The following ESR1 variants were observed in gnomAD, a reference collection of about 807,000 sequenced individuals.
ESR1 encodes the protein estrogen receptor 1.
ESR1 carries 12 observed loss-of-function variants against 52.7 expected under a neutral mutation model. The observed-to-expected ratio is 0.23, with a 90% CI of 0.15 to 0.37. The LOEUF is 0.37. Among genes scored for constraint, ESR1 ranks in the 10% least tolerant of loss-of-function variants. The pLI, the probability that ESR1 is intolerant of heterozygous loss-of-function variation, is 1.00. For synonymous variants in ESR1, 305 were observed against 316.8 expected, an observed-to-expected ratio of 0.96 and a Z score of 0.39; for missense variants, 584 against 779.7, an observed-to-expected ratio of 0.75 and a Z score of 2.99.
chr6:151,920,281 G>A (rs753084074), intron 3 of ESR1, among the ~76,000 whole-genome samples: 1 of 149,638 alleles, frequency 6.7e-6, no homozygotes, highest in Non-Finnish European at 1.5e-5. Context: ...TTATATGAAA[G>A]TACTTCTTGC....
At chr6:151,972,508 CAATA>C (rs1171179690) in intron 4 of ESR1, among the ~76,000 whole-genome samples, 3 of 152,104 alleles carry the variant, frequency 2.0e-5, no homozygotes, top group Non-Finnish European at 4.4e-5. Context: ...ATTCACAAGT[CAATA>C]AATGTGATAC....
chr6:152,046,511 CT>C (rs2046240873), intron 5 of ESR1, among the ~76,000 whole-genome samples: 1 of 152,152 alleles, frequency 6.6e-6, no homozygotes, highest in Non-Finnish European at 1.5e-5. Flanking sequence ...TACATATTGA[CT>C]GTATTTTCAT....
intron 4 of ESR1, among the ~76,000 whole-genome samples, chr6:151,992,809 G>A (rs1413085332): frequency 1.3e-5 from 2 of 152,158 alleles, no homozygotes; most frequent in Non-Finnish European, 2.9e-5. Context: ...CCCAGTGGTA[G>A]ATAAGAGAAG....
At chr6:151,988,317 C>T (rs2040692491) in intron 4 of ESR1, among the ~76,000 whole-genome samples, 1 of 152,078 alleles carries the variant, frequency 6.6e-6, no homozygotes, top group South Asian at 2.1e-4. Context: ...ACCTAGATCC[C>T]TTGTGTGCAC....
rs1178974822 is a variant in ESR1, at chr6:151,807,849, C to T, written c.-64C>T. The T allele has an allele frequency of 2.1e-6, 3 of 1,457,484 alleles. No individual in the cohort carries two copies. Among genetic ancestry groups the T allele is most frequent in the Admixed American group, 1.7e-5 (1 of 57,268 alleles). The allele number at this position is 1,457,484 out of a possible 1,614,324, so 90.3% of individuals were successfully genotyped here. ...GGCTGTGCTCTTTTTCCAGGTGGCC[C>T]GCCGGTTTCTGAGCCTTCTGCCCTG... is the stretch of plus-strand genomic sequence containing the variant. On this transcript the variant is annotated 5_prime_UTR_variant, in exon 1 of 8. Transcript: ENST00000206249.
chr6:151,942,491 A>G (rs1357628269), intron 3 of ESR1, among the ~76,000 whole-genome samples: 1 of 152,100 alleles, frequency 6.6e-6, no homozygotes, highest in Non-Finnish European at 1.5e-5. Flanking sequence ...TGCTTAAAAT[A>G]TATAGTAAGT....
chr6:151,943,603 C>T (rs1301716324), intron 3 of ESR1, among the ~76,000 whole-genome samples: 1 of 152,030 alleles, frequency 6.6e-6, no homozygotes, highest in Admixed American at 6.6e-5. Context: ...CCCCAGGGGG[C>T]CAGAGGCTGT....
intron 4 of ESR1, among the ~76,000 whole-genome samples, chr6:151,970,824 T>C (rs1327161458): frequency 6.6e-6 from 1 of 152,144 alleles, no homozygotes. Flanking sequence ...CCCCACCTCA[T>C]TCTCTCCCCT....
At chr6:151,919,293 G>T (rs1351406277) in intron 3 of ESR1, among the ~76,000 whole-genome samples, 1 of 152,130 alleles carries the variant, frequency 6.6e-6, no homozygotes, top group African/African-American at 2.4e-5. Flanking sequence ...GTTATATTCA[G>T]TGTTAAGGAA....
intron 6 of ESR1, among the ~76,000 whole-genome samples, chr6:152,074,297 A>G (rs2048563729): frequency 6.6e-6 from 1 of 152,128 alleles, no homozygotes; most frequent in African/African-American, 2.4e-5. Context: ...TACTGTCTCC[A>G]CAGTTTTGCC....
At chr6:152,002,011 G>A (rs1281945009) in intron 4 of ESR1, among the ~76,000 whole-genome samples, 1 of 151,954 alleles carries the variant, frequency 6.6e-6, no homozygotes, top group Non-Finnish European at 1.5e-5. Flanking sequence ...ATTGTCATAT[G>A]CTTTGATGCT....
intron 2 of ESR1, among the ~76,000 whole-genome samples, chr6:151,875,015 T>G (rs1791575950): frequency 6.6e-6 from 1 of 152,200 alleles, no homozygotes; most frequent in Non-Finnish European, 1.5e-5. Flanking sequence ...AGAAAAACAT[T>G]TCTATATAAA....
chr6:152,053,115 C>G lies in ESR1; in HGVS notation c.1236-7876C>G, dbSNP rs574227220. 2.0e-4 allele frequency among the ~76,000 whole-genome samples: 31 copies of G among 152,328 alleles called. No homozygotes were observed. Among genetic ancestry groups the G allele is most frequent in the African/African-American group, 7.0e-4 (29 of 41,572 alleles). On this transcript the variant is annotated intron_variant, in intron 5 of 7. Transcript: ENST00000206249. The surrounding 1 kb of genome is among the most constrained non-coding windows in gnomAD (Gnocchi z 4.1). ...TTCTGCATTCACATTTATTTCTTCT[C>G]ATATCCTCGAGTTAGAAAAAGGTAT...
At chr6:151,987,265 T>TTCTTTTGTTTTGAGACAGAGTCTTGC (rs2040579381) in intron 4 of ESR1, among the ~76,000 whole-genome samples, 1 of 152,070 alleles carries the variant, frequency 6.6e-6, no homozygotes, top group East Asian at 1.9e-4. Flanking sequence ...TTTAAAATTA[T>TTCTTTTGTTTTGAGACAGAGTCTTGC]TCTTTTGTTT....
chr6:151,885,798 T>G (rs1793742535), intron 3 of ESR1, among the ~76,000 whole-genome samples: 1 of 152,168 alleles, frequency 6.6e-6, no homozygotes, highest in Admixed American at 6.5e-5. Flanking sequence ...CAGGTTGCAG[T>G]GAGCCGAGAT....
chr6:151,739,631 AG>A (rs1782931087), intron 2 of ESR1, among the ~76,000 whole-genome samples: 1 of 152,242 alleles, frequency 6.6e-6, no homozygotes, highest in South Asian at 2.1e-4. Flanking sequence ...ATGACAAGCA[AG>A]GGTATGCAGA....
intron 4 of ESR1, among the ~76,000 whole-genome samples, chr6:151,957,921 CT>C (rs1475832836): frequency 6.6e-6 from 1 of 152,174 alleles, no homozygotes; most frequent in African/African-American, 2.4e-5. Flanking sequence ...CTCATCTGAC[CT>C]TCGATTCCCT....
At chr6:151,914,734 AAT>A (rs1798781528) in intron 3 of ESR1, among the ~76,000 whole-genome samples, 1 of 152,132 alleles carries the variant, frequency 6.6e-6, no homozygotes, top group African/African-American at 2.4e-5. Context: ...AATGGGGGTA[AAT>A]ATCTCAGATG....
At chr6:152,106,731 G>A (rs999416142), downstream of ESR1, among the ~76,000 whole-genome samples, 7 of 152,174 alleles carry the variant, frequency 4.6e-5, no homozygotes, top group African/African-American at 1.7e-4. Context: ...TGGAAGTACA[G>A]GCATGTACCA....
Sources: allele counts gnomAD v4.1 joint callset (sites outside exome capture counted in the v4.1 genomes callset), GRCh38; gene constraint gnomAD v4.1.1; non-coding constraint Gnocchi (gnomAD v3.1); transcripts MANE v1.5; gene names NCBI Gene and HGNC (gene_info 2026-07-23, HGNC 2026-07-21).